The following PIBF1 variants were observed in gnomAD, a reference collection of about 807,000 sequenced individuals.
PIBF1 encodes the protein progesterone immunomodulatory binding factor 1, also known as progesterone-induced-blocking factor 1.
Under a neutral mutation model 112.5 loss-of-function variants are expected in PIBF1, and 90 were observed. The ratio of observed to expected loss-of-function variants is 0.80; its 90% CI spans 0.67 to 0.95. PIBF1 has a LOEUF of 0.95. Ranked by LOEUF, PIBF1 falls within the 40% of genes least tolerant of loss-of-function variation. The pLI, the probability that PIBF1 is intolerant of heterozygous loss-of-function variation, is 0.00. For synonymous variants in PIBF1, 301 were observed against 288.6 expected, an observed-to-expected ratio of 1.04 and a Z score of -0.44; for missense variants, 915 against 852.3, an observed-to-expected ratio of 1.07 and a Z score of -0.92.
intron 16 of PIBF1, among the ~76,000 whole-genome samples, chr13:72,985,371 CA>C (rs67195605): frequency 1.5e-3 from 118 of 76,278 alleles, no homozygotes; most frequent in Middle Eastern, 0.011. Flanking sequence ...ACTAAAAATA[CA>C]AAAAAAAAAA....
At chr13:72,819,593 G>A (rs2036448191) in intron 5 of PIBF1, among the ~76,000 whole-genome samples, 1 of 152,034 alleles carries the variant, frequency 6.6e-6, no homozygotes, top group Non-Finnish European at 1.5e-5. Flanking sequence ...TACTACTTAC[G>A]AGCTCTGAGA....
chr13:72,806,094 T>C (rs1004053986), intron 5 of PIBF1, among the ~76,000 whole-genome samples: 1 of 152,218 alleles, frequency 6.6e-6, no homozygotes, highest in Non-Finnish European at 1.5e-5. Context: ...ATTTAAGACT[T>C]TATTTTCATG....
chr13:72,904,589 C>T (rs868132093), intron 11 of PIBF1, among the ~76,000 whole-genome samples: 6 of 150,954 alleles, frequency 4.0e-5, no homozygotes, highest in African/African-American at 7.3e-5. Flanking sequence ...TACAGGCGCA[C>T]GCTACCACAC....
Position 72,835,238 on chromosome 13 carries a change from TG to T in PIBF1, c.1098-4del. On this transcript the variant is annotated splice_polypyrimidine_tract_variant and splice_region_variant and intron_variant, in intron 8 of 17. Coordinates refer to ENST00000326291, the MANE Select transcript of PIBF1 (RefSeq NM_006346.4). Reference sequence around the variant, plus strand: ...TTTATGGTTGTTCCTTTTCACTCCTTGCAGAGACCATTATAAAACAGAATAT... The same window carrying T: ...TTTATGGTTGTTCCTTTTCACTCCTTCAGAGACCATTATAAAACAGAATAT... The T allele has an allele frequency of 6.4e-7, 1 of 1,555,322 alleles. No homozygotes were observed. Among genetic ancestry groups the T allele is most frequent in the South Asian group, 1.2e-5 (1 of 80,670 alleles).
intron 17 of PIBF1, among the ~76,000 whole-genome samples, chr13:73,005,234 T>C (rs1477828950): frequency 6.6e-6 from 1 of 151,806 alleles, no homozygotes; most frequent in Non-Finnish European, 1.5e-5. Context: ...TTTACCACAA[T>C]CTTCTTTTTA....
At chr13:72,834,357 G>A (rs2037256220) in intron 8 of PIBF1, among the ~76,000 whole-genome samples, 1 of 152,160 alleles carries the variant, frequency 6.6e-6, no homozygotes, top group Non-Finnish European at 1.5e-5. Context: ...GGGTGCAGTG[G>A]CTCACACCTG....
At chr13:72,791,937 A>T (rs2034952355) in intron 2 of PIBF1, among the ~76,000 whole-genome samples, 1 of 151,644 alleles carries the variant, frequency 6.6e-6, no homozygotes, top group African/African-American at 2.4e-5. Context: ...CCCAGCTGAA[A>T]ATAAATTTTT....
rs138210926 is a variant in PIBF1, at chr13:73,009,155, A to G, written c.2224-6714A>G. The stretch of plus-strand genomic sequence containing the variant: ...GCATTTTAAGCGGGAAGCGAGAAAA[A>G]GGGAGGAAAATAGTCTCCCTTTCCA... On this transcript the variant is annotated intron_variant, in intron 17 of 17. Coordinates refer to ENST00000326291, the MANE Select transcript of PIBF1 (RefSeq NM_006346.4). Among the ~76,000 whole-genome samples the G allele has an allele frequency of 3.2e-4, 48 of 152,326 alleles. No homozygotes were observed. The East Asian group carries it at 8.7e-3, about 28-fold the overall frequency.
chr13:72,983,591 A>G (rs1175621573), intron 16 of PIBF1, among the ~76,000 whole-genome samples: 3 of 152,210 alleles, frequency 2.0e-5, no homozygotes, highest in Non-Finnish European at 4.4e-5. Flanking sequence ...AAATCACAGT[A>G]TAATTATCAT....
rs546941394 is a variant in PIBF1, at chr13:72,796,445, G to A, written c.552+888G>A. On this transcript the variant is annotated intron_variant, in intron 4 of 17. Transcript: ENST00000326291. ...ATCCCTAAAAAGGGTTAATAGTAAC[G>A]GTGCGTTTCTATTGGGGATAATTGT... Among the ~76,000 whole-genome samples the A allele has an allele frequency of 1.9e-3, 289 of 152,120 alleles. 1 individual carries two copies. The highest frequency in any genetic ancestry group is 6.4e-3 in the African/African-American group (265 of 41,468).
intron 5 of PIBF1, among the ~76,000 whole-genome samples, chr13:72,806,570 G>C (rs1216775184): frequency 6.6e-6 from 1 of 151,626 alleles, no homozygotes; most frequent in African/African-American, 2.4e-5. Context: ...TCCTCTCCCT[G>C]GTCCAAGTGT....
intron 14 of PIBF1, among the ~76,000 whole-genome samples, chr13:72,959,184 C>T (rs987467314): frequency 6.9e-6 from 1 of 145,032 alleles, no homozygotes; most frequent in South Asian, 2.1e-4. Context: ...TTAGTAGAGA[C>T]GGGGTTTTGC....
chr13:72,865,491 A>G (rs2138394885), intron 10 of PIBF1, among the ~76,000 whole-genome samples: 1 of 152,318 alleles, frequency 6.6e-6, no homozygotes, highest in South Asian at 2.1e-4. Context: ...GGCAAATTTC[A>G]GTGGCCAATC....
At chr13:72,886,125 T>A (rs117666523) in intron 10 of PIBF1, among the ~76,000 whole-genome samples, 1 of 152,264 alleles carries the variant, frequency 6.6e-6, no homozygotes, top group East Asian at 1.9e-4. Flanking sequence ...GACAAAAGCA[T>A]GATTAGCCTC....
At chr13:73,002,539 C>G (rs1480583074) in intron 17 of PIBF1, among the ~76,000 whole-genome samples, 4 of 152,136 alleles carry the variant, frequency 2.6e-5, no homozygotes, top group Non-Finnish European at 5.9e-5. Context: ...GTATGGGACT[C>G]TTTTGCTGCT....
chr13:73,003,424 T>A (rs1224197998), intron 17 of PIBF1, among the ~76,000 whole-genome samples: 1 of 151,914 alleles, frequency 6.6e-6, no homozygotes, highest in African/African-American at 2.4e-5. Flanking sequence ...CGCTAATTTT[T>A]TGTATTTTTT....
intron 5 of PIBF1, among the ~76,000 whole-genome samples, chr13:72,810,414 G>A (rs1361220845): frequency 6.6e-6 from 1 of 152,154 alleles, no homozygotes; most frequent in Non-Finnish European, 1.5e-5. Flanking sequence ...TGGTAACTAG[G>A]AAGCAAGAAG....
chr13:72,792,622 T>A, intron 3 of PIBF1, 75 bp downstream of exon 3: 2 of 717,628 alleles, frequency 2.8e-6, no homozygotes, highest in Non-Finnish European at 4.5e-6. Flanking sequence ...CTGTTCATGT[T>A]TGTGACTGTA....
At chr13:72,828,913 A>G (rs1415429846) in intron 8 of PIBF1, among the ~76,000 whole-genome samples, 2 of 152,308 alleles carry the variant, frequency 1.3e-5, no homozygotes, top group Middle Eastern at 3.4e-3. Context: ...CTGTAAAAGC[A>G]TTCCTATTTC....
Sources: gnomAD v4.1 joint callset for allele counts (sites outside exome capture counted in the v4.1 genomes callset) on GRCh38, gnomAD v4.1.1 for gene constraint, MANE v1.5 for transcripts, NCBI Gene and HGNC (gene_info 2026-07-23, HGNC 2026-07-21) for gene names.